Variants in RUNX2 observed in about 807,000 individuals in gnomAD.
The protein encoded by RUNX2 is runt-related transcription factor 2.
Under a neutral mutation model 51.7 loss-of-function variants are expected in RUNX2, and 10 were observed. The observed-to-expected ratio is 0.19, with a 90% CI of 0.12 to 0.33. The LOEUF is 0.33. Among genes scored for constraint, RUNX2 ranks in the 10% least tolerant of loss-of-function variants. The pLI, the probability that RUNX2 is intolerant of heterozygous loss-of-function variation, is 1.00. For synonymous variants in RUNX2, 276 were observed against 273.6 expected (o/e 1.01, Z -0.09); for missense variants, 562 against 691.3 (o/e 0.81, Z 2.10).
intron 7 of RUNX2, among the ~76,000 whole-genome samples, chr6:45,544,189 A>T (rs1240929365): frequency 6.6e-6 from 1 of 152,166 alleles, no homozygotes; most frequent in African/African-American, 2.4e-5. Context: ...GTGATTGGTT[A>T]AAATACTGTA....
At chr6:45,536,266 G>A (rs1802031403) in intron 7 of RUNX2, among the ~76,000 whole-genome samples, 1 of 152,132 alleles carries the variant, frequency 6.6e-6, no homozygotes. Context: ...GCACAGGTAA[G>A]TGGCTGCATC....
Position 45,422,757 on chromosome 6 carries a change from G to C in RUNX2, c.223G>C (p.Ala75Pro). Reference sequence around the variant, plus strand: ...GCAGCAGCAGCAGCAGGAGGCGGCGGCGGCGGCTGCGGCGGCGGCGGCGGC... The same window carrying C: ...GCAGCAGCAGCAGCAGGAGGCGGCGCCGGCGGCTGCGGCGGCGGCGGCGGC... ...QQQQQQQEAA[A>P]AAAAAAAAAA... Residue 75 changes from alanine (A) to proline (P), a missense_variant, in exon 3 of 9, where the codon GCG (alanine) becomes CCG (proline). By Grantham distance (27) the Ala-to-Pro change is conservative. Transcript: ENST00000647337. 7.6e-7 allele frequency: 1 copy of C among 1,323,850 alleles called. No individual in the cohort carries two copies. The highest frequency in any genetic ancestry group is 1.0e-6 in the Non-Finnish European group (1 of 984,590). 82.0% of individuals were successfully genotyped at this position (1,323,850 alleles called of 1,614,324 possible).
intron 2 of RUNX2, among the ~76,000 whole-genome samples, chr6:45,348,226 A>G (rs1791287258): frequency 6.6e-6 from 1 of 152,080 alleles, no homozygotes; most frequent in Non-Finnish European, 1.5e-5. Context: ...CTGACTCTGG[A>G]GTCAGAAAGA....
chr6:45,459,876 G>A (rs1300846516), intron 5 of RUNX2, among the ~76,000 whole-genome samples: 5 of 152,146 alleles, frequency 3.3e-5, no homozygotes, highest in African/African-American at 1.2e-4. Context: ...AATTAAATAG[G>A]GAGCGAGCCA....
At chr6:45,356,101 T>C (rs1793113641) in intron 2 of RUNX2, among the ~76,000 whole-genome samples, 1 of 152,164 alleles carries the variant, frequency 6.6e-6, no homozygotes, top group Non-Finnish European at 1.5e-5. Flanking sequence ...TCCTCTTCTC[T>C]AGAAAAGTGG....
Position 45,547,261 on chromosome 6 carries a change from A to C in RUNX2, c.1522A>C (p.Asn508His). 1 of 1,614,192 alleles carries C rather than the reference A, an allele frequency of 6.2e-7. No homozygotes were observed. Among genetic ancestry groups the C allele is most frequent in the Middle Eastern group, 1.6e-4 (1 of 6,062 alleles). The change falls in exon 9 of 9, where the codon AAT becomes CAT. Residue 508 changes from asparagine (N) to histidine (H), a missense_variant. Around this residue, in one of 5 missense-constraint regions of RUNX2, gnomAD observed 304 missense variants for 353.2 expected, o/e 0.86. Coordinates refer to ENST00000647337, the MANE Select transcript of RUNX2 (RefSeq NM_001024630.4). ...GSHSSSPTVL[N>H]SSGRMDESVW... The stretch of plus-strand genomic sequence containing the variant: ...CCACAGCAGTTCCCCAACTGTTTTG[A>C]ATTCTAGTGGCAGAATGGATGAATC...
intron 2 of RUNX2, among the ~76,000 whole-genome samples, chr6:45,382,378 T>A (rs1797260102): frequency 6.6e-6 from 1 of 152,228 alleles, no homozygotes. Flanking sequence ...CAAAAAAGTT[T>A]ATACAGGAAG....
intron 4 of RUNX2, among the ~76,000 whole-genome samples, chr6:45,437,539 T>C (rs1479168887): frequency 6.6e-6 from 1 of 152,228 alleles, no homozygotes; most frequent in Non-Finnish European, 1.5e-5. Context: ...TGATTTACTA[T>C]TGTTCTCTCG....
chr6:45,549,869 T>G lies in RUNX2; in HGVS notation c.*2564T>G, dbSNP rs1189741007. 1 of 152,832 alleles carries G rather than the reference T, an allele frequency of 6.5e-6. No homozygotes were observed. The highest frequency in any genetic ancestry group is 1.5e-5 in the Non-Finnish European group (1 of 68,164). The allele number at this position is 152,832 out of a possible 1,614,324, so 9.5% of individuals were successfully genotyped here. On this transcript the variant is annotated 3_prime_UTR_variant, in exon 9 of 9. Coordinates refer to ENST00000647337, the MANE Select transcript of RUNX2 (RefSeq NM_001024630.4). ...CCCAGAAACACTTTAGAAGCTTTTT[T>G]TCCTTGGGAAAAATTCAAGCACTTC...
chr6:45,476,628 A>T (rs1410844946), intron 5 of RUNX2, among the ~76,000 whole-genome samples: 1 of 152,214 alleles, frequency 6.6e-6, no homozygotes, highest in Non-Finnish European at 1.5e-5. Context: ...GTTTAAAATA[A>T]CATGACTAAG....
chr6:45,490,222 G>T (rs1800421336), intron 5 of RUNX2, among the ~76,000 whole-genome samples: 1 of 152,170 alleles, frequency 6.6e-6, no homozygotes, highest in Admixed American at 6.5e-5. Context: ...GTCCTCTAGG[G>T]ATCTAAAATC....
intron 2 of RUNX2, among the ~76,000 whole-genome samples, chr6:45,381,834 A>C (rs1797247008): frequency 6.6e-6 from 1 of 152,210 alleles, no homozygotes; most frequent in Non-Finnish European, 1.5e-5. Context: ...GTGTAATCAA[A>C]TTGGCTTCCC....
chr6:45,522,368 T>C (rs571197272), intron 7 of RUNX2, among the ~76,000 whole-genome samples: 431 of 152,314 alleles, frequency 2.8e-3, no homozygotes, highest in Non-Finnish European at 4.3e-3. Context: ...GAGATCTCTT[T>C]TGTTCCTTTG....
intron 7 of RUNX2, among the ~76,000 whole-genome samples, chr6:45,525,684 G>A (rs1378495100): frequency 6.6e-6 from 1 of 152,138 alleles, no homozygotes; most frequent in Admixed American, 6.6e-5. Flanking sequence ...GAGAGATTTA[G>A]TAATCATCAC....
chr6:45,374,486 T>G (rs946169176), intron 2 of RUNX2, among the ~76,000 whole-genome samples: 3 of 152,200 alleles, frequency 2.0e-5, no homozygotes, highest in African/African-American at 7.2e-5. Context: ...GAGCGAGAAC[T>G]CAAATCAAGT....
intron 7 of RUNX2, among the ~76,000 whole-genome samples, chr6:45,540,188 C>T (rs900830823): frequency 6.6e-6 from 1 of 152,162 alleles, no homozygotes; most frequent in Non-Finnish European, 1.5e-5. Context: ...TGAATATGCC[C>T]ATAGCCTCCT....
intron 2 of RUNX2, among the ~76,000 whole-genome samples, chr6:45,412,821 T>A (rs11962735): frequency 6.6e-6 from 1 of 152,186 alleles, no homozygotes; most frequent in African/African-American, 2.4e-5. Context: ...CTCGGCTTAC[T>A]GCAACCTCCG....
At chr6:45,432,104 A>G (rs1798558629) in intron 4 of RUNX2, 85 bp downstream of exon 4, 1 of 1,262,242 alleles carries the variant, frequency 7.9e-7, no homozygotes, top group South Asian at 1.3e-5. Flanking sequence ...TATACAAATC[A>G]GCACCTTCTT....
chr6:45,402,044 T>C (rs1797721960), intron 2 of RUNX2, among the ~76,000 whole-genome samples: 1 of 152,266 alleles, frequency 6.6e-6, no homozygotes, highest in Non-Finnish European at 1.5e-5. Context: ...ATGGATTAGA[T>C]AATTCAAGGA....
Sources: gnomAD v4.1 joint callset for allele counts (sites outside exome capture counted in the v4.1 genomes callset) on GRCh38, gnomAD v4.1.1 for gene constraint, gnomAD v4.1.1 regional missense constraint, MANE v1.5 for transcripts, NCBI Gene and HGNC (gene_info 2026-07-23, HGNC 2026-07-21) for gene names.